RASGEF1A: variants seen among roughly 807,000 people sequenced by gnomAD.
RASGEF1A encodes RasGEF domain family member 1A.
A neutral mutation model predicts 56.4 loss-of-function variants in RASGEF1A; 18 were observed. The observed-to-expected ratio is 0.32, with a 90% CI of 0.22 to 0.47. RASGEF1A has a LOEUF of 0.47. Among genes scored for constraint, RASGEF1A ranks in the 20% least tolerant of loss-of-function variants. The pLI is 1.00. For synonymous variants in RASGEF1A, 245 were observed against 242.6 expected (o/e 1.01, Z -0.09); for missense variants, 422 against 627.1 (o/e 0.67, Z 3.49).
At chr10:43,225,894 G>A (rs140229344) in intron 1 of RASGEF1A, among the ~76,000 whole-genome samples, 14 of 152,304 alleles carry the variant, frequency 9.2e-5, no homozygotes, top group African/African-American at 2.9e-4. Flanking sequence ...GGAGAGAGAG[G>A]AGGGCGGCGC....
chr10:43,206,546 G>A, intron 1 of RASGEF1A: 4 of 1,006,864 alleles, frequency 4.0e-6, no homozygotes, highest in Non-Finnish European at 4.8e-6. Context: ...TACAGTGAGT[G>A]CCAAGGTCCT....
Position 43,195,853 on chromosome 10 carries a change from C to G in RASGEF1A, c.*391G>C, listed in dbSNP as rs1839788080. ...AAGGCACTAACCCCGACGTCAGAGA[C>G]ACTGGCTGGAAAGGCGTCCGAGCAG... On this transcript the variant is annotated 3_prime_UTR_variant, in exon 13 of 13. Coordinates refer to ENST00000395810, the MANE Select transcript of RASGEF1A (RefSeq NM_145313.4). This position sits in a 1 kb window ranked among gnomAD's most constrained non-coding sequence, Gnocchi z 4.2. 6.2e-6 allele frequency: 1 copy of G among 162,186 alleles called. No individual in the cohort carries two copies. Among genetic ancestry groups the G allele is most frequent in the African/African-American group, 2.4e-5 (1 of 41,572 alleles). The allele number at this position is 162,186 out of a possible 1,614,324, so 10.0% of individuals were successfully genotyped here.
At chr10:43,208,736 C>T in intron 1 of RASGEF1A, 1 of 985,536 alleles carries the variant, frequency 1.0e-6, no homozygotes. Flanking sequence ...CTGGGGGATG[C>T]CCCATGAGCC....
intron 1 of RASGEF1A, among the ~76,000 whole-genome samples, chr10:43,240,650 C>T (rs1157823306): frequency 4.6e-5 from 7 of 151,962 alleles, no homozygotes; most frequent in African/African-American, 1.2e-4. Context: ...CTTGAAAAAA[C>T]GTCCATTGAG....
chr10:43,209,225 G>A, intron 1 of RASGEF1A: 16 of 985,022 alleles, frequency 1.6e-5, no homozygotes, highest in Non-Finnish European at 1.8e-5. Context: ...AAACCGCAAG[G>A]CTACAGTTGA....
At chr10:43,215,723 C>T (rs1233855562) in intron 1 of RASGEF1A, among the ~76,000 whole-genome samples, 1 of 152,190 alleles carries the variant, frequency 6.6e-6, no homozygotes, top group Non-Finnish European at 1.5e-5. Flanking sequence ...GGGAAAAAAA[C>T]AGGGTTCTCT....
chr10:43,253,184 C>T (rs1840646757), intron 1 of RASGEF1A, among the ~76,000 whole-genome samples: 1 of 152,212 alleles, frequency 6.6e-6, no homozygotes, highest in Non-Finnish European at 1.5e-5. Flanking sequence ...TCCTGACACC[C>T]ACCCCACACC....
chr10:43,200,170 T>A lies in RASGEF1A; in HGVS notation c.756+12A>T, dbSNP rs901085239. The A allele has an allele frequency of 4.4e-6, 7 of 1,586,058 alleles. No homozygotes were observed. Among genetic ancestry groups the A allele is most frequent in the Non-Finnish European group, 6.0e-6 (7 of 1,164,102 alleles). ...GGGCTGGCAGGGGTGCCACAGGCCT[T>A]GGCCCACTTACCCTGTGGTTGTCCA... On this transcript the variant is annotated intron_variant, in intron 6 of 12. Transcript: ENST00000395810.
intron 1 of RASGEF1A, chr10:43,208,610 C>T (rs1840027623): frequency 1.0e-6 from 1 of 985,574 alleles, no homozygotes; most frequent in East Asian, 1.1e-4. Context: ...TGGAGCCGCA[C>T]TGACCTGAGA....
intron 1 of RASGEF1A, among the ~76,000 whole-genome samples, chr10:43,256,530 A>G (rs1294840986): frequency 6.6e-6 from 1 of 152,142 alleles, no homozygotes; most frequent in African/African-American, 2.4e-5. Context: ...TCAAATACGC[A>G]GACCAGAGTG....
Position 43,200,226 on chromosome 10 carries a change from AG to A in RASGEF1A, c.711del (p.Leu238Ter). On this transcript the variant is annotated frameshift_variant, in exon 6 of 13. Coordinates refer to ENST00000395810, the MANE Select transcript of RASGEF1A (RefSeq NM_145313.4). LOFTEE classifies it high-confidence loss of function. ...LDRVSSIYPE[D>X]LMQIVSHMDS... is the part of the protein sequence containing the mutation. ...TCCATGTGGCTGACGATCTGCATCA[AG>A]TCCTCAGGGTAAATGCTGCTGACCC... The A allele has an allele frequency of 6.2e-7, 1 of 1,607,980 alleles. No homozygotes were observed. Among genetic ancestry groups the A allele is most frequent in the Non-Finnish European group, 8.5e-7 (1 of 1,176,848 alleles).
intron 1 of RASGEF1A, chr10:43,208,476 G>A: frequency 1.0e-6 from 1 of 985,656 alleles, no homozygotes; most frequent in Non-Finnish European, 1.2e-6. Flanking sequence ...GAGGGGCTGG[G>A]AAGGCCACGC....
Position 43,196,684 on chromosome 10 carries a change from C to A in RASGEF1A, c.1349-136G>T. The A allele has an allele frequency of 2.3e-6, 2 of 868,806 alleles. No homozygotes were observed. Among genetic ancestry groups the A allele is most frequent in the Non-Finnish European group, 3.7e-6 (2 of 544,948 alleles). The allele number at this position is 868,806 out of a possible 1,614,324, so 53.8% of individuals were successfully genotyped here. On this transcript the variant is annotated intron_variant, in intron 11 of 12. Transcript: ENST00000395810. The surrounding 1 kb of genome is among the most constrained non-coding windows in gnomAD (Gnocchi z 4.6). Reference sequence around the variant, plus strand: ...GGGCTGAACACAGTTCTCTGCTGTGCGGGGCTCTCAGGCTGCCTGTTGGGG... The same window carrying A: ...GGGCTGAACACAGTTCTCTGCTGTGAGGGGCTCTCAGGCTGCCTGTTGGGG...
intron 1 of RASGEF1A, among the ~76,000 whole-genome samples, chr10:43,228,567 G>C (rs1466659673): frequency 1.3e-5 from 2 of 152,220 alleles, no homozygotes; most frequent in Non-Finnish European, 2.9e-5. Flanking sequence ...CCTGGACCAG[G>C]GCTGACACCA....
intron 1 of RASGEF1A, among the ~76,000 whole-genome samples, chr10:43,261,661 C>T (rs914976285): frequency 6.6e-6 from 1 of 152,204 alleles, no homozygotes; most frequent in African/African-American, 2.4e-5. Context: ...TCCAGCCCAC[C>T]CTTCCTCCCC....
At chr10:43,242,676 G>A (rs1459300666) in intron 1 of RASGEF1A, among the ~76,000 whole-genome samples, 10 of 151,724 alleles carry the variant, frequency 6.6e-5, no homozygotes, top group Non-Finnish European at 1.3e-4. Flanking sequence ...GGGATTCCAG[G>A]CACGCGCCGC....
At chr10:43,217,463 C>A (rs901447883) in intron 1 of RASGEF1A, among the ~76,000 whole-genome samples, 5 of 152,246 alleles carry the variant, frequency 3.3e-5, no homozygotes, top group Non-Finnish European at 7.3e-5. Flanking sequence ...CTAGGCCCTC[C>A]CAGCTCTGTG....
At chr10:43,218,876 A>T (rs1840171045) in intron 1 of RASGEF1A, among the ~76,000 whole-genome samples, 1 of 152,208 alleles carries the variant, frequency 6.6e-6, no homozygotes, top group Non-Finnish European at 1.5e-5. Flanking sequence ...TTCCTTCTGA[A>T]TTCCCTTCTA....
rs147443986 is a variant in RASGEF1A at position 43,231,175 on chromosome 10, C to T, written c.-6-25053G>A. Reference sequence around the variant, plus strand: ...TTTTGCTTCTGCATCTTGTTTCAGGCCAGCCAGAAGATGCGAAGCTCATGG... The same window carrying T: ...TTTTGCTTCTGCATCTTGTTTCAGGTCAGCCAGAAGATGCGAAGCTCATGG... On this transcript the variant is annotated intron_variant, in intron 1 of 12. Coordinates refer to ENST00000395810, the MANE Select transcript of RASGEF1A (RefSeq NM_145313.4). 2.1e-3 allele frequency among the ~76,000 whole-genome samples: 326 copies of T among 152,372 alleles called. 2 individuals carry two copies. The highest frequency in any genetic ancestry group is 3.4e-3 in the Middle Eastern group (1 of 294).
Sources: gnomAD v4.1 joint callset for allele counts (sites outside exome capture counted in the v4.1 genomes callset) on GRCh38, gnomAD v4.1.1 for gene constraint, Gnocchi (gnomAD v3.1) non-coding constraint, MANE v1.5 for transcripts, NCBI Gene and HGNC (gene_info 2026-07-23, HGNC 2026-07-21) for gene names.